Variants in GK observed in about 807,000 individuals in gnomAD.
The protein encoded by GK is ATP:glycerol 3-phosphotransferase.
In GK, 9 loss-of-function variants were observed where a neutral mutation model predicts 56.4. That is an observed-to-expected ratio of 0.16 (90% CI 0.10 to 0.28). The LOEUF (loss-of-function observed/expected upper bound fraction) is 0.28. GK is among the 10% of genes least tolerant of loss of function. The pLI is 1.00. For missense variants in GK, 161 were observed against 431.4 expected, an observed-to-expected ratio of 0.37 and a Z score of 5.55; for synonymous variants, 104 against 144.1, an observed-to-expected ratio of 0.72 and a Z score of 1.99.
intron 13 of GK, among the ~76,000 whole-genome samples, chrX:30,718,192 G>A (rs1360988496): frequency 9.0e-6 from 1 of 111,522 alleles, no homozygotes; most frequent in Non-Finnish European, 1.9e-5. Context: ...ATAATTTTAT[G>A]AACAATATGG....
rs756470727 is a variant in GK, at chrX:30,696,821, GACTTAAAA to G, written c.729+143_729+150del. On this transcript the variant is annotated intron_variant, in intron 8 of 20. Transcript: ENST00000427190. The stretch of plus-strand genomic sequence containing the variant: ...AAAAGTCAACTGTGTTATGTTTTGT[GACTTAAAA>G]ACTTTACAGTCCTTTTTACAATGGA... 12 of 514,972 alleles carry G rather than the reference GACTTAAAA, an allele frequency of 2.3e-5. No individual in the cohort carries two copies. In the Admixed American group the frequency reaches 3.7e-4, roughly 16 times the overall value. The allele number at this position is 514,972 out of a possible 1,213,427, so 42.4% of individuals were successfully genotyped here.
chrX:30,725,776 T>G (rs1007622960), intron 19 of GK, among the ~76,000 whole-genome samples: 1 of 110,218 alleles, frequency 9.1e-6, no homozygotes, highest in African/African-American at 3.3e-5. Context: ...CTCAGCCTCC[T>G]GAGTAGCTGG....
At chrX:30,696,183 C>T (rs755458593) in intron 7 of GK, 32 bp downstream of exon 7, 11 of 759,819 alleles carry the variant, frequency 1.4e-5, no homozygotes, top group Non-Finnish European at 2.3e-5. Flanking sequence ...ATATAGTTTT[C>T]CCAATACACT....
chrX:30,714,361 A>C lies in GK; in HGVS notation c.976-4177A>C, dbSNP rs1022902958. Among the ~76,000 whole-genome samples, 30 of 111,780 alleles carry C rather than the reference A, an allele frequency of 2.7e-4. 2 individuals are homozygous for C. On this transcript the variant is annotated intron_variant, in intron 13 of 20. Transcript: ENST00000427190. Reference sequence around the variant, plus strand: ...AGAGTCTCACAGGGCTGCAGTCAAGATGTTGACTGAGGCTCTGCTGTCATC... The same window carrying C: ...AGAGTCTCACAGGGCTGCAGTCAAGCTGTTGACTGAGGCTCTGCTGTCATC...
intron 14 of GK, 51 bp downstream of exon 14, chrX:30,718,667 A>G: frequency 5.3e-6 from 4 of 754,862 alleles, no homozygotes; most frequent in Non-Finnish European, 8.3e-6. Context: ...GACACATTTC[A>G]GTATTTTATC....
rs910643752 is a variant in GK at position 30,704,496 on chromosome X, G to T, written c.852-3060G>T. On this transcript the variant is annotated intron_variant, in intron 11 of 20. Coordinates refer to ENST00000427190, the MANE Select transcript of GK (RefSeq NM_001205019.2). ...TTATGAGGGAGGCATGGTCAGTAGC[G>T]CAAAACATTACTAAGAGGTCATGGA... Among the ~76,000 whole-genome samples, 4 of 108,962 alleles carry T rather than the reference G, an allele frequency of 3.7e-5. No homozygotes were observed. The Admixed American group carries it at 3.9e-4, about 11-fold the overall frequency. The allele number at this position is 108,962 out of a possible 115,157, so 94.6% of individuals were successfully genotyped here.
intron 3 of GK, among the ~76,000 whole-genome samples, chrX:30,674,674 T>TA (rs1238999271): frequency 1.2e-4 from 13 of 110,915 alleles, no homozygotes; most frequent in African/African-American, 3.3e-4. Context: ...AAATATTTTT[T>TA]AAAAAATATA....
chrX:30,698,074 T>C, intron 9 of GK: 1 of 206,919 alleles, frequency 4.8e-6, no homozygotes, highest in Non-Finnish European at 8.9e-6. Flanking sequence ...TTGAAATGTC[T>C]ATTTTAAATG....
At chrX:30,656,571 A>G (rs920272733) in intron 1 of GK, among the ~76,000 whole-genome samples, 2 of 111,626 alleles carry the variant, frequency 1.8e-5, no homozygotes, top group Non-Finnish European at 3.8e-5. Context: ...CTTTTAGTGT[A>G]AGTCTTCCTC....
intron 18 of GK, among the ~76,000 whole-genome samples, chrX:30,722,926 C>T (rs1376973426): frequency 1.8e-5 from 2 of 111,302 alleles, no homozygotes; most frequent in Non-Finnish European, 3.8e-5. Context: ...TGGGGTTCAG[C>T]ACCCTTAGAA....
chrX:30,679,557 G>T (rs1177297669), intron 4 of GK, among the ~76,000 whole-genome samples: 1 of 111,783 alleles, frequency 8.9e-6, no homozygotes, highest in Non-Finnish European at 1.9e-5. Flanking sequence ...TTCAAATAAT[G>T]CAACTAGGTA....
chrX:30,724,714 G>A, intron 19 of GK: 1 of 236,068 alleles, frequency 4.2e-6, no homozygotes, highest in Admixed American at 5.6e-5. Flanking sequence ...GCTCTTAGCA[G>A]AAAAAATAGT....
intron 14 of GK, among the ~76,000 whole-genome samples, chrX:30,718,883 A>G (rs189346501): frequency 2.7e-5 from 3 of 112,214 alleles, no homozygotes; most frequent in Non-Finnish European, 5.6e-5. Flanking sequence ...AGATTGCCAG[A>G]ACCTGCAGAT....
rs1166251352 is a variant in GK at position 30,653,513 on chromosome X, C to G, written c.-25C>G. On this transcript the variant is annotated 5_prime_UTR_variant, in exon 1 of 21. In the 5' UTR this introduces an upstream ATG that the reference lacks. Coordinates refer to ENST00000427190, the MANE Select transcript of GK (RefSeq NM_001205019.2). Reference sequence around the variant, plus strand: ...CGTCACCCAGGAAACCGGCCGCAATCGCCGGCCGACCTGAAGCTGGTTTCA... The same window carrying G: ...CGTCACCCAGGAAACCGGCCGCAATGGCCGGCCGACCTGAAGCTGGTTTCA... The G allele has an allele frequency of 7.5e-6, 9 of 1,199,241 alleles. No homozygotes were observed. Among genetic ancestry groups the G allele is most frequent in the Non-Finnish European group, 1.0e-5 (9 of 883,867 alleles).
At chrX:30,659,551 A>G (rs903089067) in intron 1 of GK, among the ~76,000 whole-genome samples, 2 of 111,537 alleles carry the variant, frequency 1.8e-5, no homozygotes, top group Non-Finnish European at 3.8e-5. Flanking sequence ...TTAGTGTGTC[A>G]TAAAAGAGTA....
At chrX:30,695,989 A>G in intron 6 of GK, 53 bp from the exon 7 acceptor site, 5 of 636,286 alleles carry the variant, frequency 7.9e-6, no homozygotes, top group Non-Finnish European at 1.3e-5. Context: ...AACAATATGT[A>G]AATTAAATTG....
intron 1 of GK, among the ~76,000 whole-genome samples, chrX:30,662,570 G>A (rs372945576): frequency 6.3e-5 from 7 of 111,787 alleles, no homozygotes; most frequent in African/African-American, 1.9e-4. Flanking sequence ...CGTTGCCCTA[G>A]TTAAAACTAG....
intron 1 of GK, among the ~76,000 whole-genome samples, chrX:30,655,159 A>G (rs751073568): frequency 8.9e-6 from 1 of 111,833 alleles, no homozygotes; most frequent in African/African-American, 3.2e-5. Flanking sequence ...TGCACTGTTT[A>G]TCTTTTGATC....
intron 11 of GK, among the ~76,000 whole-genome samples, chrX:30,702,047 A>AT (rs34088900): frequency 0.028 from 2,877 of 103,370 alleles, 46 homozygotes; most frequent in Non-Finnish European, 0.035. Context: ...ATTTTTATTT[A>AT]TTTTTTTTTT....
Sources: gnomAD v4.1 joint callset for allele counts (sites outside exome capture counted in the v4.1 genomes callset) on GRCh38, gnomAD v4.1.1 for gene constraint, MANE v1.5 for transcripts, NCBI Gene and HGNC (gene_info 2026-07-23, HGNC 2026-07-21) for gene names.